GPR158: variants seen among roughly 807,000 people sequenced by gnomAD.
The protein encoded by GPR158 is G protein-coupled receptor 158.
Under a neutral mutation model 78.2 loss-of-function variants are expected in GPR158, and 30 were observed. That is an observed-to-expected ratio of 0.38 (90% CI 0.29 to 0.52). GPR158 has a LOEUF of 0.52. Among genes scored for constraint, GPR158 ranks in the 20% least tolerant of loss-of-function variants. The probability of loss-of-function intolerance (pLI) is 0.83; values close to 1 mark genes in which losing one functional copy is unlikely to be tolerated. For synonymous variants in GPR158, 581 were observed against 591.1 expected (o/e 0.98, Z 0.25); for missense variants, 1,463 against 1,523.5 (o/e 0.96, Z 0.66).
intron 2 of GPR158, among the ~76,000 whole-genome samples, chr10:25,345,816 T>G (rs1379163318): frequency 6.6e-6 from 1 of 151,956 alleles, no homozygotes; most frequent in Non-Finnish European, 1.5e-5. Flanking sequence ...TAACTGATCC[T>G]GTCCCAGAAA....
intron 4 of GPR158, among the ~76,000 whole-genome samples, chr10:25,433,536 G>GTGTGTGTGT (rs1554803603): frequency 1.6e-4 from 21 of 131,886 alleles, no homozygotes; most frequent in Non-Finnish European, 2.2e-4. Flanking sequence ...TTAGGGGTGT[G>GTGTGTGTGT]TGTGTGTGTG....
chr10:25,564,801 A>C (rs2130724916), intron 6 of GPR158, among the ~76,000 whole-genome samples: 1 of 152,284 alleles, frequency 6.6e-6, no homozygotes, highest in South Asian at 2.1e-4. Context: ...CATTTCTATA[A>C]GCTCCTAAGT....
At chr10:25,430,341 A>G (rs994830071) in intron 4 of GPR158, among the ~76,000 whole-genome samples, 9 of 150,804 alleles carry the variant, frequency 6.0e-5, no homozygotes, top group Admixed American at 1.3e-4. Context: ...ACTACAAACC[A>G]CTGCTCAATG....
At chr10:25,301,218 G>A (rs1055187337) in intron 2 of GPR158, among the ~76,000 whole-genome samples, 1 of 152,186 alleles carries the variant, frequency 6.6e-6, no homozygotes, top group Admixed American at 6.5e-5. Flanking sequence ...GTGTTATTCT[G>A]TAAGGTTTTT....
intron 9 of GPR158, 78 bp downstream of exon 9, chr10:25,594,475 G>T (rs555848262): frequency 1.7e-6 from 1 of 583,754 alleles, no homozygotes; most frequent in East Asian, 3.0e-5. Flanking sequence ...ATAGGCAAAA[G>T]GAGGTATGGA....
chr10:25,371,918 C>T (rs1297123995), intron 2 of GPR158, among the ~76,000 whole-genome samples: 1 of 142,652 alleles, frequency 7.0e-6, no homozygotes, highest in African/African-American at 2.7e-5. Context: ...AGTGAACAGG[C>T]AACCTACTAA....
intron 1 of GPR158, among the ~76,000 whole-genome samples, chr10:25,219,622 T>C (rs1853270192): frequency 6.6e-6 from 1 of 152,210 alleles, no homozygotes; most frequent in Non-Finnish European, 1.5e-5. Context: ...TATATATTTC[T>C]GTGTATGTTT....
intron 2 of GPR158, among the ~76,000 whole-genome samples, chr10:25,271,450 C>T (rs2130743326): frequency 6.6e-6 from 1 of 152,208 alleles, no homozygotes; most frequent in African/African-American, 2.4e-5. Context: ...CAAGAATTGA[C>T]ATTACAGGAA....
intron 2 of GPR158, among the ~76,000 whole-genome samples, chr10:25,303,618 T>C (rs7907333): frequency 0.2 from 30,800 of 152,174 alleles, 5,269 homozygotes; most frequent in African/African-American, 0.47. Context: ...TTGTCTTTCT[T>C]GGCAGTCAAA....
At chr10:25,244,656 A>G (rs1400884990) in intron 2 of GPR158, 8 of 152,162 alleles carry the variant, frequency 5.3e-5, no homozygotes, top group Non-Finnish European at 1.2e-4. Context: ...AGCCTCAGGT[A>G]TGCCAGACAG....
chr10:25,175,361 T>G lies in GPR158; in HGVS notation c.-60T>G. ...AGTCTGACTGTTGAGAAACTGACGA[T>G]CCAAATTTAAAAAGTGATTCCCCCC... On this transcript the variant is annotated 5_prime_UTR_variant, in exon 1 of 11. Transcript: ENST00000376351. The surrounding 1 kb of genome is among the most constrained non-coding windows in gnomAD (Gnocchi z 6.4). The G allele has an allele frequency of 9.5e-7, 1 of 1,054,230 alleles. No homozygotes were observed. The highest frequency in any genetic ancestry group is 1.6e-5 in the South Asian group (1 of 64,480). The allele number at this position is 1,054,230 out of a possible 1,614,324, so 65.3% of individuals were successfully genotyped here.
At chr10:25,469,914 TTTC>T (rs1280722324) in intron 5 of GPR158, among the ~76,000 whole-genome samples, 8 of 151,936 alleles carry the variant, frequency 5.3e-5, no homozygotes, top group Admixed American at 2.0e-4. Context: ...CTTACTAGCC[TTTC>T]TTCTTCCATG....
intron 3 of GPR158, among the ~76,000 whole-genome samples, chr10:25,411,122 G>A (rs1454584240): frequency 6.6e-6 from 1 of 150,718 alleles, no homozygotes; most frequent in African/African-American, 2.4e-5. Context: ...TTAGTATTTG[G>A]CATTAATTGG....
At chr10:25,464,592 G>A (rs771267375) in intron 4 of GPR158, among the ~76,000 whole-genome samples, 3 of 152,144 alleles carry the variant, frequency 2.0e-5, no homozygotes, top group Non-Finnish European at 4.4e-5. Context: ...TTTTATGGGT[G>A]AGACCATTGA....
At chr10:25,389,010 A>G (rs1014230809) in intron 2 of GPR158, among the ~76,000 whole-genome samples, 1 of 152,208 alleles carries the variant, frequency 6.6e-6, no homozygotes, top group African/African-American at 2.4e-5. Context: ...ACCAATGAGC[A>G]TGGGAGGGAG....
At chr10:25,194,997 A>G (rs1386393165) in intron 1 of GPR158, among the ~76,000 whole-genome samples, 3 of 152,094 alleles carry the variant, frequency 2.0e-5, no homozygotes, top group Non-Finnish European at 2.9e-5. Context: ...TGACAGATAA[A>G]TAATCGGATC....
intron 2 of GPR158, among the ~76,000 whole-genome samples, chr10:25,272,039 C>T (rs1000146841): frequency 2.0e-5 from 3 of 152,034 alleles, no homozygotes; most frequent in African/African-American, 7.2e-5. Flanking sequence ...CATCTTAAAC[C>T]ATCTCATATC....
chr10:25,515,405 C>T (rs1836151353), intron 5 of GPR158, among the ~76,000 whole-genome samples: 1 of 150,114 alleles, frequency 6.7e-6, no homozygotes, highest in Non-Finnish European at 1.5e-5. Flanking sequence ...TTTTAGGGTA[C>T]ATGTGCACAT....
intron 2 of GPR158, among the ~76,000 whole-genome samples, chr10:25,262,328 T>C (rs1230882113): frequency 6.6e-6 from 1 of 152,146 alleles, no homozygotes; most frequent in African/African-American, 2.4e-5. Flanking sequence ...AATGGATAAT[T>C]ATCATTATTT....
Sources: allele counts gnomAD v4.1 joint callset (sites outside exome capture counted in the v4.1 genomes callset), GRCh38; gene constraint gnomAD v4.1.1; non-coding constraint Gnocchi (gnomAD v3.1); transcripts MANE v1.5; gene names NCBI Gene and HGNC (gene_info 2026-07-23, HGNC 2026-07-21).